The following MTHFD2L variants were observed in gnomAD, a reference collection of about 807,000 sequenced individuals.
MTHFD2L encodes bifunctional methylenetetrahydrofolate dehydrogenase/cyclohydrolase 2, mitochondrial.
In MTHFD2L, 29 loss-of-function variants were observed where a neutral mutation model predicts 34.9. The ratio of observed to expected loss-of-function variants is 0.83; its 90% CI spans 0.62 to 1.13. The LOEUF (loss-of-function observed/expected upper bound fraction) is 1.13. Ranked by LOEUF, MTHFD2L falls within the 50% of genes most tolerant of loss-of-function variation. The probability of loss-of-function intolerance (pLI) is 0.00; values close to 1 mark genes in which losing one functional copy is unlikely to be tolerated. For missense variants in MTHFD2L, 481 were observed against 446.5 expected (o/e 1.08, Z -0.70); for synonymous variants, 167 against 155.7 (o/e 1.07, Z -0.54).
intron 6 of MTHFD2L, among the ~76,000 whole-genome samples, chr4:74,236,967 A>G (rs1740935187): frequency 6.6e-6 from 1 of 152,158 alleles, no homozygotes; most frequent in African/African-American, 2.4e-5. Flanking sequence ...TAGTTGTAAA[A>G]AAGTGGTTTA....
At chr4:74,156,327 C>T (rs1164300754), upstream of MTHFD2L, among the ~76,000 whole-genome samples, 1 of 152,174 alleles carries the variant, frequency 6.6e-6, no homozygotes, top group African/African-American at 2.4e-5. Context: ...TAATAAAAAT[C>T]ATGCAGTATG....
At chr4:74,283,207 AT>A (rs1333089853) in intron 7 of MTHFD2L, among the ~76,000 whole-genome samples, 1 of 152,156 alleles carries the variant, frequency 6.6e-6, no homozygotes, top group Non-Finnish European at 1.5e-5. Flanking sequence ...AGTCCAGCAC[AT>A]TTTACAAGAC....
intron 1 of MTHFD2L, among the ~76,000 whole-genome samples, chr4:74,168,285 T>A (rs888339154): frequency 5.3e-5 from 8 of 152,210 alleles, no homozygotes; most frequent in African/African-American, 1.9e-4. Flanking sequence ...ACTGCAACCA[T>A]TGGCCTCTTG....
intron 6 of MTHFD2L, among the ~76,000 whole-genome samples, chr4:74,236,787 G>T (rs535680988): frequency 1.3e-5 from 2 of 152,194 alleles, no homozygotes; most frequent in Non-Finnish European, 2.9e-5. Context: ...TATGTCCCAT[G>T]AATATTATCA....
intron 6 of MTHFD2L, 22 bp from the exon 7 acceptor site, chr4:74,281,403 A>C: frequency 6.2e-7 from 1 of 1,607,552 alleles, no homozygotes; most frequent in African/African-American, 1.3e-5. Flanking sequence ...GCTGAAGGAC[A>C]AACAACTCTT....
At chr4:74,156,754 G>A (rs1724297006), upstream of MTHFD2L, 1 of 152,096 alleles carries the variant, frequency 6.6e-6, no homozygotes, top group South Asian at 2.1e-4. Context: ...GGTTCTAATG[G>A]GAGTGTAGTG....
chr4:74,243,845 A>G (rs372368749), intron 6 of MTHFD2L, among the ~76,000 whole-genome samples: 82 of 152,276 alleles, frequency 5.4e-4, no homozygotes, highest in African/African-American at 1.7e-3. Context: ...TTTGGCTTGT[A>G]CACAGACCTC....
chr4:74,237,307 G>T (rs1740989836), intron 6 of MTHFD2L, among the ~76,000 whole-genome samples: 1 of 152,100 alleles, frequency 6.6e-6, no homozygotes, highest in African/African-American at 2.4e-5. Flanking sequence ...TTGCTTTTAG[G>T]ACTAGAAAAC....
chr4:74,256,248 T>C (rs1411025639), intron 6 of MTHFD2L, among the ~76,000 whole-genome samples: 4 of 152,192 alleles, frequency 2.6e-5, no homozygotes, highest in Admixed American at 2.6e-4. Flanking sequence ...TAGCTGGGAC[T>C]ACAGGCGCAT....
chr4:74,301,551 G>C (rs1360126484), intron 7 of MTHFD2L, 146 bp from the exon 8 acceptor site: 1 of 533,582 alleles, frequency 1.9e-6, no homozygotes, highest in East Asian at 3.1e-5. Flanking sequence ...GTGTGTGTGT[G>C]TGTGTGTCTG....
intron 2 of MTHFD2L, among the ~76,000 whole-genome samples, chr4:74,116,059 T>C (rs374166201): frequency 1.9e-4 from 29 of 152,212 alleles, no homozygotes; most frequent in African/African-American, 6.5e-4. Flanking sequence ...ATTATCTGCT[T>C]ATGATTTTTC....
At chr4:74,189,485 CTTTTTTTT>C (rs55665552) in intron 3 of MTHFD2L, among the ~76,000 whole-genome samples, 24 of 119,794 alleles carry the variant, frequency 2.0e-4, no homozygotes, top group African/African-American at 4.0e-4. Flanking sequence ...GTTTTTCTTC[CTTTTTTTT>C]TTTTTTTTTT....
At chr4:74,277,154 A>ATTT (rs11444615) in intron 6 of MTHFD2L, among the ~76,000 whole-genome samples, 13 of 145,454 alleles carry the variant, frequency 8.9e-5, no homozygotes, top group East Asian at 8.1e-4. Flanking sequence ...GCCAAAGCAG[A>ATTT]TTTTTTTTTT....
chr4:74,178,664 TAGCCAAAA>T (rs1304234498), intron 3 of MTHFD2L, among the ~76,000 whole-genome samples: 5 of 152,084 alleles, frequency 3.3e-5, no homozygotes, highest in Admixed American at 6.6e-5. Flanking sequence ...GTTTTCTATG[TAGCCAAAA>T]AGCCAATAAT....
intron 2 of MTHFD2L, 26 bp downstream of exon 2, chr4:74,174,716 A>C: frequency 7.4e-7 from 1 of 1,349,242 alleles, no homozygotes; most frequent in South Asian, 2.2e-5. Flanking sequence ...AGTTGTAATT[A>C]CTACTAAATA....
Position 74,251,411 on chromosome 4 carries a change from T to C in MTHFD2L, c.805+26017T>C, listed in dbSNP as rs146369218. On this transcript the variant is annotated intron_variant, in intron 6 of 7. Transcript: ENST00000325278. ...TTTTCTATCATTTGGTGGTTGTGAT[T>C]GTACTCCAGCTTCATCACCAACCGT... 3.8e-3 allele frequency among the ~76,000 whole-genome samples: 572 copies of C among 152,330 alleles called. 6 individuals carry two copies. The highest frequency in any genetic ancestry group is 0.017 in the Middle Eastern group (5 of 294).
intron 3 of MTHFD2L, among the ~76,000 whole-genome samples, chr4:74,178,813 T>G (rs1167527913): frequency 6.6e-6 from 1 of 152,072 alleles, no homozygotes; most frequent in Non-Finnish European, 1.5e-5. Flanking sequence ...TATTATATAT[T>G]TTTTACTGAT....
chr4:74,139,245 G>C (rs1422646522), intron 1 of MTHFD2L, among the ~76,000 whole-genome samples: 1 of 152,074 alleles, frequency 6.6e-6, no homozygotes, highest in Non-Finnish European at 1.5e-5. Context: ...ACCTGGGAAG[G>C]TCCCAAAGGT....
In MTHFD2L at chr4:74,268,515, T is replaced by G. The variant is rs909616332; in HGVS notation, c.806-12910T>G. ...AAAATCTTTCTTCTGTGAATGAGGA[T>G]AATGGGTAAACCTTTTCTTGCTTCA... On this transcript the variant is annotated intron_variant, in intron 6 of 7. Coordinates refer to ENST00000325278, the MANE Select transcript of MTHFD2L (RefSeq NM_001144978.3). 7.2e-5 allele frequency among the ~76,000 whole-genome samples: 11 copies of G among 152,242 alleles called. No homozygotes were observed. The East Asian group carries it at 1.9e-3, about 27-fold the overall frequency.
Sources: gnomAD v4.1 joint callset for allele counts (sites outside exome capture counted in the v4.1 genomes callset) on GRCh38, gnomAD v4.1.1 for gene constraint, MANE v1.5 for transcripts, NCBI Gene and HGNC (gene_info 2026-07-23, HGNC 2026-07-21) for gene names.